Variants in ZNF423 observed in about 807,000 individuals in gnomAD.
ZNF423 encodes the protein zinc finger protein 423.
In ZNF423, 12 loss-of-function variants were observed where a neutral mutation model predicts 95.8. The observed-to-expected ratio is 0.13, with a 90% CI of 0.08 to 0.20. ZNF423 has a LOEUF of 0.20. ZNF423 is among the 10% of genes least tolerant of loss of function. ZNF423 has a pLI of 1.00. For missense variants in ZNF423, 1,316 were observed against 1,737.1 expected, an observed-to-expected ratio of 0.76 and a Z score of 4.31; for synonymous variants, 749 against 711.9, an observed-to-expected ratio of 1.05 and a Z score of -0.83.
intron 5 of ZNF423, among the ~76,000 whole-genome samples, chr16:49,532,317 T>TCGGTGTCCTCCTCACTCAAGAC (rs1968877268): frequency 6.6e-6 from 1 of 152,130 alleles, no homozygotes; most frequent in African/African-American, 2.4e-5. Context: ...TCTCCACCCT[T>TCGGTGTCCTCCTCACTCAAGAC]CGGTGTCCTC....
At chr16:49,734,673 G>C (rs2033244685) in intron 2 of ZNF423, among the ~76,000 whole-genome samples, 1 of 152,180 alleles carries the variant, frequency 6.6e-6, no homozygotes, top group African/African-American at 2.4e-5. Context: ...CTCCCTCAGG[G>C]CCATGTGCAT....
At chr16:49,697,271 G>A (rs1197661202) in intron 3 of ZNF423, among the ~76,000 whole-genome samples, 1 of 152,166 alleles carries the variant, frequency 6.6e-6, no homozygotes, top group Admixed American at 6.5e-5. Flanking sequence ...CACCTAACCA[G>A]AGATGGGCTG....
At position 49,757,750 on chromosome 16, in the gene ZNF423, C is replaced by T. The variant is rs138404284; in HGVS notation, c.101-26779G>A. On this transcript the variant is annotated intron_variant, in intron 2 of 7. Coordinates refer to ENST00000563137, the MANE Select transcript of ZNF423 (RefSeq NM_001379286.1). ...CCTCAAAGACAAACACCCCACGTGC[C>T]CTGGACAGCCCCAACAGCAAACTCA... Among the ~76,000 whole-genome samples the T allele has an allele frequency of 5.9e-5, 9 of 152,280 alleles. No individual in the cohort carries two copies. In the East Asian group the frequency reaches 1.7e-3, roughly 29 times the overall value.
At chr16:49,653,287 T>C (rs1973483629) in intron 3 of ZNF423, among the ~76,000 whole-genome samples, 1 of 124,296 alleles carries the variant, frequency 8.0e-6, no homozygotes, top group Non-Finnish European at 1.6e-5. Context: ...AGGCGCCTCA[T>C]CTCCTTCCCT....
At chr16:49,648,177 A>G (rs1450086621) in intron 3 of ZNF423, among the ~76,000 whole-genome samples, 1 of 152,202 alleles carries the variant, frequency 6.6e-6, no homozygotes, top group Non-Finnish European at 1.5e-5. Context: ...AGGAAGGGGG[A>G]TCCTTGATAC....
chr16:49,575,679 G>C (rs1026093478), intron 5 of ZNF423, among the ~76,000 whole-genome samples: 5 of 152,198 alleles, frequency 3.3e-5, no homozygotes, highest in Non-Finnish European at 7.3e-5. Context: ...TGCTACCTCC[G>C]GCAGCATTTG....
chr16:49,685,221 C>T (rs2031519080), intron 3 of ZNF423, among the ~76,000 whole-genome samples: 1 of 152,184 alleles, frequency 6.6e-6, no homozygotes, highest in South Asian at 2.1e-4. Flanking sequence ...GAATCTTCCC[C>T]CATCAAGCAG....
At chr16:49,491,388 G>A in intron 7 of ZNF423, 84 bp from the exon 8 acceptor site, 1 of 1,544,012 alleles carries the variant, frequency 6.5e-7, no homozygotes, top group East Asian at 2.3e-5. Flanking sequence ...ATTTACGCCG[G>A]GAGCCGCAGA....
intron 4 of ZNF423, among the ~76,000 whole-genome samples, chr16:49,634,931 T>G (rs1006533810): frequency 4.6e-5 from 7 of 152,208 alleles, no homozygotes; most frequent in African/African-American, 1.7e-4. Context: ...AGGGTCCATT[T>G]CTGGTTCTCC....
chr16:49,505,469 C>A (rs902937400), intron 7 of ZNF423, among the ~76,000 whole-genome samples: 2 of 152,190 alleles, frequency 1.3e-5, no homozygotes, highest in Non-Finnish European at 2.9e-5. Context: ...TCTGAGGGGG[C>A]CTCCTCAGAA....
intron 3 of ZNF423, among the ~76,000 whole-genome samples, chr16:49,662,053 C>G (rs944992685): frequency 6.6e-6 from 1 of 152,162 alleles, no homozygotes; most frequent in Non-Finnish European, 1.5e-5. Flanking sequence ...ACACAGAGAC[C>G]GCTGGGCAGA....
chr16:49,636,479 A>C lies in ZNF423; in HGVS notation c.2697T>G (p.Cys899Trp). Reference protein sequence around the residue: ...ASEPMYGCDICGAAYTMEVLL... With the variant: ...ASEPMYGCDIWGAAYTMEVLL... ...GCACCTCCATGGTGTAGGCCGCCCC[A>C]CAGATGTCACAGCCGTACATGGGCT... The change falls in exon 4 of 8, where the codon TGT becomes TGG. Residue 899 changes from cysteine (C) to tryptophan (W), a missense_variant. Around this residue, in one of 6 missense-constraint regions of ZNF423, gnomAD observed 620 missense variants for 775.6 expected, o/e 0.80. Transcript: ENST00000563137. The surrounding 1 kb of genome is among the most constrained non-coding windows in gnomAD (Gnocchi z 8.6). 1 of 1,613,416 alleles carries C rather than the reference A, an allele frequency of 6.2e-7. No individual in the cohort carries two copies. The highest frequency in any genetic ancestry group is 1.1e-5 in the South Asian group (1 of 91,066).
At chr16:49,805,984 G>A (rs994549853) in intron 1 of ZNF423, among the ~76,000 whole-genome samples, 6 of 152,204 alleles carry the variant, frequency 3.9e-5, no homozygotes, top group Non-Finnish European at 7.3e-5. Context: ...GAGGGCCCCC[G>A]GCCTCCCGGG....
chr16:49,785,044 TTTA>T (rs1242387998), intron 2 of ZNF423, among the ~76,000 whole-genome samples: 1 of 152,024 alleles, frequency 6.6e-6, no homozygotes, highest in Non-Finnish European at 1.5e-5. Flanking sequence ...GTGTTTCTTT[TTTA>T]TTATTTTTTT....
chr16:49,661,835 A>G (rs2030246662), intron 3 of ZNF423, among the ~76,000 whole-genome samples: 1 of 152,122 alleles, frequency 6.6e-6, no homozygotes, highest in Non-Finnish European at 1.5e-5. Context: ...CAGCTCTACC[A>G]CTGACCAGTG....
intron 4 of ZNF423, among the ~76,000 whole-genome samples, chr16:49,629,470 C>A (rs1056737476): frequency 1.2e-4 from 19 of 152,222 alleles, no homozygotes; most frequent in African/African-American, 4.3e-4. Flanking sequence ...AGGCCTTTGC[C>A]TGTGCTGGTT....
upstream of ZNF423, chr16:49,856,230 C>CCCTCCTCCTCCTTCT (rs1227409645): frequency 1.4e-5 from 2 of 139,254 alleles, no homozygotes; most frequent in Non-Finnish European, 3.1e-5. Flanking sequence ...GCCACCCTCA[C>CCCTCCTCCTCCTTCT]CCTCCTCCTC....
Position 49,730,785 on chromosome 16 carries a change from T to A in ZNF423, c.287A>T (p.His96Leu), listed in dbSNP as rs1200805353. Residue 96 changes from histidine (H) to leucine (L), a missense_variant, in exon 3 of 8, where the codon CAC becomes CTC. Physicochemically the swap from His to Leu is moderately conservative, Grantham distance 99 (BLOSUM62 -3). Transcript: ENST00000563137. ...SLADLTDHRA[H>L]RCPGDGDDDP... ...TTTTGCATTACCTCCAGGACAGCGG[T>A]GGGCCCGGTGGTCCGTCAGGTCTGC... 6.2e-7 allele frequency: 1 copy of A among 1,614,240 alleles called. No individual in the cohort carries two copies.
At chr16:49,753,805 C>A (rs1335044551) in intron 2 of ZNF423, among the ~76,000 whole-genome samples, 1 of 151,512 alleles carries the variant, frequency 6.6e-6, no homozygotes, top group Non-Finnish European at 1.5e-5. Context: ...CCAAGGCGGG[C>A]GGATCACCTG....
Sources: gnomAD v4.1 joint callset for allele counts (sites outside exome capture counted in the v4.1 genomes callset) on GRCh38, gnomAD v4.1.1 for gene constraint, gnomAD v4.1.1 regional missense constraint, Gnocchi (gnomAD v3.1) non-coding constraint, MANE v1.5 for transcripts, NCBI Gene and HGNC (gene_info 2026-07-23, HGNC 2026-07-21) for gene names.